The following ACTR2 variants were observed in gnomAD, a reference collection of about 807,000 sequenced individuals.
ACTR2 encodes the protein actin-related protein 2.
In ACTR2, 5 loss-of-function variants were observed where a neutral mutation model predicts 50.2. The observed-to-expected ratio is 0.10, with a 90% CI of 0.05 to 0.21. ACTR2 has a LOEUF of 0.21. Among genes scored for constraint, ACTR2 ranks in the 10% least tolerant of loss-of-function variants. ACTR2 has a pLI of 1.00. For missense variants in ACTR2, 180 were observed against 480.6 expected, an observed-to-expected ratio of 0.37 and a Z score of 5.85; for synonymous variants, 140 against 162.9, an observed-to-expected ratio of 0.86 and a Z score of 1.07.
rs148014447 is a variant in ACTR2, at chr2:65,252,894, G to A, written c.449-834G>A. On this transcript the variant is annotated intron_variant, in intron 4 of 8. Coordinates refer to ENST00000260641, the MANE Select transcript of ACTR2 (RefSeq NM_005722.4). ...AGGTGAGATGATCACTTGAGCCCAG[G>A]AGGTTGAGGAAACAGGGGAAACAAA... is the stretch of plus-strand genomic sequence containing the variant. 1.2e-4 allele frequency among the ~76,000 whole-genome samples: 18 copies of A among 152,280 alleles called. No individual in the cohort carries two copies. The East Asian group carries it at 3.5e-3, about 29-fold the overall frequency.
intron 1 of ACTR2, among the ~76,000 whole-genome samples, chr2:65,238,584 G>A (rs1170324722): frequency 6.6e-6 from 1 of 151,104 alleles, no homozygotes; most frequent in Non-Finnish European, 1.5e-5. Context: ...GCGTGAACCC[G>A]GGAGGTGGAG....
intron 3 of ACTR2, among the ~76,000 whole-genome samples, chr2:65,248,042 G>A (rs1671972316): frequency 6.6e-6 from 1 of 152,142 alleles, no homozygotes; most frequent in Non-Finnish European, 1.5e-5. Flanking sequence ...AAGCCAGTGT[G>A]GTTGAGGAGA....
intron 5 of ACTR2, 116 bp downstream of exon 5, chr2:65,253,980 TC>T (rs1476128627): frequency 1.4e-6 from 1 of 711,768 alleles, no homozygotes; most frequent in African/African-American, 1.8e-5. Context: ...AGAGAAATTA[TC>T]CAATTACCTC....
rs182673501 is a variant in ACTR2, at chr2:65,253,895, A to G, written c.585+31A>G. The G allele has an allele frequency of 1.3e-4, 213 of 1,584,544 alleles. 2 individuals are homozygous for G. The East Asian group carries it at 3.8e-3, about 29-fold the overall frequency. On this transcript the variant is annotated intron_variant, in intron 5 of 8. Coordinates refer to ENST00000260641, the MANE Select transcript of ACTR2 (RefSeq NM_005722.4). ...TGAAAGGAAAATATCATGGAAATTA[A>G]ATTTTGTAATTTGTTTACCACCTTA...
At chr2:65,263,149 G>A (rs905657094) in intron 7 of ACTR2, among the ~76,000 whole-genome samples, 2 of 151,440 alleles carry the variant, frequency 1.3e-5, no homozygotes, top group African/African-American at 4.8e-5. Context: ...TCCTGCCTCA[G>A]CCTCCCAAGT....
At chr2:65,236,889 A>G (rs1316107223) in intron 1 of ACTR2, among the ~76,000 whole-genome samples, 3 of 152,010 alleles carry the variant, frequency 2.0e-5, no homozygotes, top group Non-Finnish European at 4.4e-5. Flanking sequence ...CCTTTGTTTT[A>G]TTACTGTCAT....
At chr2:65,242,566 A>G (rs1346329712) in intron 2 of ACTR2, 2 of 444,364 alleles carry the variant, frequency 4.5e-6, no homozygotes, top group African/African-American at 2.1e-5. Flanking sequence ...AATAAACCAT[A>G]GATAGAAAAA....
At chr2:65,233,317 T>G (rs1443375293) in intron 1 of ACTR2, among the ~76,000 whole-genome samples, 1 of 151,676 alleles carries the variant, frequency 6.6e-6, no homozygotes, top group Non-Finnish European at 1.5e-5. Context: ...ATACTGATTA[T>G]TATTATTATT....
chr2:65,238,441 C>G (rs1162095189), intron 1 of ACTR2, among the ~76,000 whole-genome samples: 3 of 144,254 alleles, frequency 2.1e-5, no homozygotes, highest in Non-Finnish European at 4.5e-5. Context: ...GGGCAGATCA[C>G]GAGGTCAGGA....
chr2:65,261,195 T>C, intron 6 of ACTR2, 52 bp from the exon 7 acceptor site: 2 of 1,600,396 alleles, frequency 1.2e-6, no homozygotes, highest in South Asian at 1.1e-5. Context: ...CGGAGAACAC[T>C]GGGAAATTTT....
At chr2:65,252,636 C>T (rs1672074942) in intron 4 of ACTR2, among the ~76,000 whole-genome samples, 1 of 151,652 alleles carries the variant, frequency 6.6e-6, no homozygotes, top group Non-Finnish European at 1.5e-5. Flanking sequence ...CAGAGTGAGA[C>T]TCTGTCTCAA....
intron 2 of ACTR2, among the ~76,000 whole-genome samples, chr2:65,243,197 T>C (rs916064542): frequency 3.3e-5 from 5 of 152,048 alleles, no homozygotes; most frequent in African/African-American, 1.2e-4. Flanking sequence ...GAGAATCGCT[T>C]GAACCCGGGA....
At chr2:65,260,916 G>A (rs2104016976) in intron 6 of ACTR2, among the ~76,000 whole-genome samples, 1 of 151,978 alleles carries the variant, frequency 6.6e-6, no homozygotes, top group East Asian at 1.9e-4. Flanking sequence ...ATTTTTAGTA[G>A]AGACAGGGTT....
At chr2:65,263,727 C>T (rs1265176404) in intron 7 of ACTR2, among the ~76,000 whole-genome samples, 2 of 152,156 alleles carry the variant, frequency 1.3e-5, no homozygotes, top group South Asian at 2.1e-4. Context: ...GATGTTCATT[C>T]ACAGCAAAAT....
chr2:65,230,258 T>C (rs1208072976), intron 1 of ACTR2, among the ~76,000 whole-genome samples: 3 of 152,156 alleles, frequency 2.0e-5, no homozygotes, highest in Non-Finnish European at 4.4e-5. Context: ...TTTTGTTTTG[T>C]GATTGTGTCA....
rs541007905 is a variant in ACTR2, at chr2:65,243,205, G to A, written c.159+3243G>A. Among the ~76,000 whole-genome samples, 3 of 152,192 alleles carry A rather than the reference G, an allele frequency of 2.0e-5. No homozygotes were observed. The East Asian group carries it at 5.8e-4, about 29-fold the overall frequency. The stretch of plus-strand genomic sequence containing the variant: ...GAGGCAGGAGAATCGCTTGAACCCG[G>A]GAGGCAGAGGTTGCAGTGAGCCGAG... On this transcript the variant is annotated intron_variant, in intron 2 of 8. Transcript: ENST00000260641.
chr2:65,236,945 G>A (rs1671751647), intron 1 of ACTR2, among the ~76,000 whole-genome samples: 2 of 152,108 alleles, frequency 1.3e-5, no homozygotes, highest in African/African-American at 4.8e-5. Context: ...CTAAGAATGT[G>A]TGGTGCCTGG....
intron 1 of ACTR2, 128 bp from the exon 2 acceptor site, chr2:65,239,724 C>G: frequency 1.5e-6 from 1 of 658,804 alleles, no homozygotes; most frequent in African/African-American, 1.8e-5. Context: ...GTGGCTACTT[C>G]GGGTGGACTG....
chr2:65,252,674 A>AT (rs537960000), intron 4 of ACTR2, among the ~76,000 whole-genome samples: 48 of 151,286 alleles, frequency 3.2e-4, no homozygotes, highest in Non-Finnish European at 5.9e-4. Context: ...AAATAAATAA[A>AT]AAAAGTTTTT....
Sources: gnomAD v4.1 joint callset for allele counts (sites outside exome capture counted in the v4.1 genomes callset) on GRCh38, gnomAD v4.1.1 for gene constraint, MANE v1.5 for transcripts, NCBI Gene and HGNC (gene_info 2026-07-23, HGNC 2026-07-21) for gene names.